The following DGUOK variants were observed in gnomAD, a reference collection of about 807,000 sequenced individuals.
The protein encoded by DGUOK is deoxyguanosine kinase, mitochondrial.
A neutral mutation model predicts 36.6 loss-of-function variants in DGUOK; 30 were observed. The ratio of observed to expected loss-of-function variants is 0.82; its 90% confidence interval spans 0.61 to 1.11. The LOEUF (loss-of-function observed/expected upper bound fraction) is 1.11, where lower values mean the gene tolerates loss of function less well. Ranked by LOEUF, DGUOK falls within the 50% of genes most tolerant of loss-of-function variation. The pLI, the probability that DGUOK is intolerant of heterozygous loss-of-function variation, is 0.00. For missense variants in DGUOK, 361 were observed against 336.4 expected, an observed-to-expected ratio of 1.07 and a Z score of -0.57; for synonymous variants, 145 against 126.3, an observed-to-expected ratio of 1.15 and a Z score of -0.99.
chr2:73,957,293 C>T (rs116558935), intron 5 of DGUOK, 53 bp downstream of exon 5: 20,176 of 1,415,626 alleles, frequency 0.014, 183 homozygotes, highest in Non-Finnish European at 0.017. Context: ...TCCCAACAGC[C>T]AGTTGTTAAA....
At chr2:73,958,013 T>G in intron 5 of DGUOK, 133 bp from the exon 6 acceptor site, 1 of 713,438 alleles carries the variant, frequency 1.4e-6, no homozygotes, top group Non-Finnish European at 2.5e-6. Flanking sequence ...TTAAATGCAG[T>G]TTACATGCAG....
intron 5 of DGUOK, chr2:73,957,922 A>T: frequency 2.2e-6 from 1 of 445,908 alleles, no homozygotes; most frequent in Non-Finnish European, 4.2e-6. Flanking sequence ...TGGTGCTCTG[A>T]CTGTTTGTTA....
intron 2 of DGUOK, among the ~76,000 whole-genome samples, chr2:73,943,898 T>A (rs1467394465): frequency 1.3e-5 from 2 of 152,156 alleles, no homozygotes; most frequent in Non-Finnish European, 2.9e-5. Flanking sequence ...TCACCCACTT[T>A]GGCCTCCCAA....
At chr2:73,931,382 C>A (rs1035172125) in intron 1 of DGUOK, among the ~76,000 whole-genome samples, 4 of 152,152 alleles carry the variant, frequency 2.6e-5, no homozygotes, top group African/African-American at 9.7e-5. Flanking sequence ...TCAAGTGATT[C>A]TCCTGTCTCA....
intron 4 of DGUOK, 125 bp downstream of exon 4, chr2:73,950,857 A>T (rs1311450161): frequency 1.6e-6 from 2 of 1,285,234 alleles, no homozygotes; most frequent in Non-Finnish European, 1.1e-6. Context: ...CACAGAGAGC[A>T]GTGGGGGACA....
intron 2 of DGUOK, 149 bp downstream of exon 2, chr2:73,939,171 A>C (rs550756513): frequency 8.9e-6 from 6 of 675,490 alleles, no homozygotes; most frequent in African/African-American, 1.8e-5. Context: ...CATACACCAG[A>C]GAGGATATGA....
Position 73,957,039 on chromosome 2 carries a change from A to G in DGUOK, c.592-86A>G, listed in dbSNP as rs928537310. The G allele has an allele frequency of 4.2e-5, 36 of 863,212 alleles. 1 individual carries two copies. In the Admixed American group the frequency reaches 4.2e-4, roughly 10 times the overall value. 53.5% of individuals were successfully genotyped at this position (863,212 alleles called of 1,614,324 possible). ...GCTTGTAATGCCCAAGATAGACATT[A>G]TGGGTGGGCCTCAGAGCCCCCGAAG... On this transcript the variant is annotated intron_variant, in intron 4 of 6. Transcript: ENST00000264093.
At chr2:73,943,323 AT>A (rs11306613) in intron 2 of DGUOK, among the ~76,000 whole-genome samples, 74 of 142,710 alleles carry the variant, frequency 5.2e-4, no homozygotes, top group Non-Finnish European at 7.6e-4. Context: ...CTACTTAAAA[AT>A]TTTTTTTTTT....
chr2:73,930,227 T>A (rs937568801), intron 1 of DGUOK, among the ~76,000 whole-genome samples: 5 of 152,156 alleles, frequency 3.3e-5, no homozygotes, highest in African/African-American at 9.7e-5. Flanking sequence ...GGTCATCAGC[T>A]AAGAGTGAAT....
chr2:73,952,325 C>A (rs1448971312), intron 4 of DGUOK, among the ~76,000 whole-genome samples: 1 of 152,106 alleles, frequency 6.6e-6, no homozygotes, highest in Admixed American at 6.5e-5. Flanking sequence ...TGCCTGAGAG[C>A]CAGAATAGAA....
intron 5 of DGUOK, among the ~76,000 whole-genome samples, chr2:73,957,772 G>C (rs1683231159): frequency 6.6e-6 from 1 of 152,162 alleles, no homozygotes; most frequent in South Asian, 2.1e-4. Flanking sequence ...TCCCTAGACT[G>C]AACATTGTGA....
intron 2 of DGUOK, among the ~76,000 whole-genome samples, chr2:73,941,710 T>C (rs1681915132): frequency 6.6e-6 from 1 of 152,164 alleles, no homozygotes; most frequent in African/African-American, 2.4e-5. Context: ...GTTGCAATGA[T>C]GAATATCATT....
At chr2:73,953,904 G>A (rs946796249) in intron 4 of DGUOK, among the ~76,000 whole-genome samples, 4 of 151,780 alleles carry the variant, frequency 2.6e-5, no homozygotes, top group Non-Finnish European at 5.9e-5. Context: ...TGTATTTTTA[G>A]TAGAGACGGG....
At chr2:73,953,214 T>C (rs1471481936) in intron 4 of DGUOK, among the ~76,000 whole-genome samples, 2 of 151,636 alleles carry the variant, frequency 1.3e-5, no homozygotes, top group Non-Finnish European at 2.9e-5. Flanking sequence ...GGACCAAATT[T>C]CCAACACATG....
chr2:73,956,987 A>C, intron 4 of DGUOK, 138 bp from the exon 5 acceptor site: 1 of 584,856 alleles, frequency 1.7e-6, no homozygotes, highest in Non-Finnish European at 3.2e-6. Context: ...TTGCATAAGA[A>C]AACAAGACAG....
At chr2:73,930,935 A>G (rs1680983282) in intron 1 of DGUOK, among the ~76,000 whole-genome samples, 1 of 151,410 alleles carries the variant, frequency 6.6e-6, no homozygotes, top group African/African-American at 2.4e-5. Context: ...AGCTGGGACT[A>G]CAGGCGCCCG....
chr2:73,947,042 A>G lies in DGUOK; in HGVS notation c.443+136A>G, dbSNP rs538005973. On this transcript the variant is annotated intron_variant, in intron 3 of 6. Transcript: ENST00000264093. The stretch of plus-strand genomic sequence containing the variant: ...TATCTTCTTTTTTAAAGACAACACT[A>G]TACAGATTTGTCCAGAGTTGTACTT... The G allele has an allele frequency of 1.0e-4, 88 of 856,586 alleles. No homozygotes were observed. The East Asian group carries it at 1.3e-3, about 12-fold the overall frequency. 53.1% of individuals were successfully genotyped at this position (856,586 alleles called of 1,614,324 possible). A position where few individuals can be genotyped will look rare whatever the true frequency, so the allele number is the denominator to read the frequency against.
At position 73,934,449 on chromosome 2, in the gene DGUOK, A is replaced by G. The variant is rs148305357; in HGVS notation, c.143-4461A>G. On this transcript the variant is annotated intron_variant, in intron 1 of 6. Transcript: ENST00000264093. ...TCTGATACCTTCCAAAATTCATAAT[A>G]CTGAGAGTATATTGAAAGACAGGCC... 3.7e-4 allele frequency among the ~76,000 whole-genome samples: 57 copies of G among 152,256 alleles called. No individual in the cohort carries two copies. In the East Asian group the frequency reaches 0.011, roughly 28 times the overall value.
At chr2:73,938,078 C>G (rs1266223262) in intron 1 of DGUOK, among the ~76,000 whole-genome samples, 6 of 152,132 alleles carry the variant, frequency 3.9e-5, no homozygotes, top group African/African-American at 1.4e-4. Flanking sequence ...CCCTGGACTC[C>G]CTGTCTGGCC....
Sources: gnomAD v4.1 joint callset for allele counts (sites outside exome capture counted in the v4.1 genomes callset) on GRCh38, gnomAD v4.1.1 for gene constraint, MANE v1.5 for transcripts, NCBI Gene and HGNC (gene_info 2026-07-23, HGNC 2026-07-21) for gene names.